The following TSTD2 variants were observed in gnomAD, a reference collection of about 807,000 sequenced individuals.
TSTD2 encodes thiosulfate sulfurtransferase/rhodanese-like domain-containing protein 2.
In TSTD2, 37 loss-of-function variants were observed where a neutral mutation model predicts 47.9. The ratio of observed to expected loss-of-function variants is 0.77; its 90% CI spans 0.59 to 1.02. The LOEUF is 1.02. TSTD2 is among the 50% of genes least tolerant of loss of function. The probability of loss-of-function intolerance (pLI) is 0.00; values close to 1 mark genes in which losing one functional copy is unlikely to be tolerated. For missense variants in TSTD2, 586 were observed against 616.0 expected (o/e 0.95, Z 0.52); for synonymous variants, 201 against 215.9 (o/e 0.93, Z 0.61).
Position 97,611,623 on chromosome 9 carries a change from A to G in TSTD2, c.680T>C (p.Met227Thr). The G allele has an allele frequency of 6.2e-7, 1 of 1,610,888 alleles. No homozygotes were observed. Among genetic ancestry groups the G allele is most frequent in the Non-Finnish European group, 8.5e-7 (1 of 1,177,194 alleles). Residue 227 changes from methionine (M) to threonine (T), a missense_variant, in exon 5 of 10, where the codon ATG (methionine) becomes ACG (threonine). Transcript: ENST00000341170. Reference sequence around the variant, plus strand: ...ATCCTTAAACAATGGGAAGGAAAGCATGACTTCCACATAAAGTCTGGTAGC... The same window carrying G: ...ATCCTTAAACAATGGGAAGGAAAGCGTGACTTCCACATAAAGTCTGGTAGC... ...KLATRLYVEV[M>T]LSFPLFKDDL... is the part of the protein sequence containing the mutation.
chr9:97,611,431 A>C (rs1258057998), intron 5 of TSTD2, 143 bp downstream of exon 5: 1 of 1,001,562 alleles, frequency 1.0e-6, no homozygotes, highest in Non-Finnish European at 1.4e-6. Context: ...CAAAACAAAA[A>C]AACTCCCCAA....
intron 2 of TSTD2, 169 bp downstream of exon 2, chr9:97,627,229 A>C (rs781315145): frequency 1.0e-4 from 131 of 1,297,030 alleles, no homozygotes; most frequent in Non-Finnish European, 1.3e-4. Context: ...CTATTCCAGG[A>C]CCACACCTTG....
Position 97,633,329 on chromosome 9 carries a change from T to C in TSTD2, c.-137A>G, listed in dbSNP as rs942565884. 3 of 344,014 alleles carry C rather than the reference T, an allele frequency of 8.7e-6. No individual in the cohort carries two copies. Among genetic ancestry groups the C allele is most frequent in the South Asian group, 2.7e-4 (2 of 7,524 alleles). The allele number at this position is 344,014 out of a possible 1,614,324, so 21.3% of individuals were successfully genotyped here. On this transcript the variant is annotated 5_prime_UTR_variant, in exon 1 of 10. Transcript: ENST00000341170. ...CACTGCTCACCGCCCTCGAGCCTAT[T>C]CCCCCGCCGCGTATTTGGGTAGAAA...
At chr9:97,629,365 T>G (rs1298161273) in intron 1 of TSTD2, among the ~76,000 whole-genome samples, 4 of 152,200 alleles carry the variant, frequency 2.6e-5, no homozygotes. Context: ...TAAAGGACCT[T>G]TGTTCCTTGG....
chr9:97,612,536 AT>A lies in TSTD2; in HGVS notation c.604-838del, dbSNP rs368304484. 4.9e-4 allele frequency among the ~76,000 whole-genome samples: 75 copies of A among 152,300 alleles called. 2 individuals carry two copies. The highest frequency in any genetic ancestry group is 1.7e-3 in the African/African-American group (69 of 41,568). On this transcript the variant is annotated intron_variant, in intron 4 of 9. Coordinates refer to ENST00000341170, the MANE Select transcript of TSTD2 (RefSeq NM_139246.5). ...ATTTTTTGACTTTTTAATAACAGCC[AT>A]TCTGACAGGTGTGAGATGGATACCT...
At chr9:97,630,936 TTTACACTGTGTG>T (rs1826798252) in intron 1 of TSTD2, among the ~76,000 whole-genome samples, 1 of 152,228 alleles carries the variant, frequency 6.6e-6, no homozygotes, top group Non-Finnish European at 1.5e-5. Flanking sequence ...GTGTGTGAAT[TTTACACTGTGTG>T]TGAAGCCAGC....
chr9:97,602,921 T>C, intron 9 of TSTD2, 154 bp from the exon 10 acceptor site: 1 of 672,666 alleles, frequency 1.5e-6, no homozygotes, highest in Non-Finnish European at 2.4e-6. Context: ...CAACAACAAC[T>C]AACCACCACC....
At chr9:97,624,306 C>T (rs1826684910) in intron 3 of TSTD2, among the ~76,000 whole-genome samples, 2 of 152,068 alleles carry the variant, frequency 1.3e-5, no homozygotes, top group Admixed American at 1.3e-4. Flanking sequence ...GTCATGAGAG[C>T]ACTCAGGCAG....
At chr9:97,626,963 A>C (rs1230711988) in intron 2 of TSTD2, among the ~76,000 whole-genome samples, 1 of 152,102 alleles carries the variant, frequency 6.6e-6, no homozygotes, top group Non-Finnish European at 1.5e-5. Flanking sequence ...GTAATGCTGA[A>C]TACTTTTTCC....
At chr9:97,631,528 G>C (rs532879297) in intron 1 of TSTD2, among the ~76,000 whole-genome samples, 1 of 152,234 alleles carries the variant, frequency 6.6e-6, no homozygotes, top group African/African-American at 2.4e-5. Flanking sequence ...TGCAAAAGCT[G>C]AACTATCTTC....
Position 97,602,519 on chromosome 9 carries a change from T to G in TSTD2, c.1501A>C (p.Ser501Arg). 1 of 1,614,028 alleles carries G rather than the reference T, an allele frequency of 6.2e-7. No individual in the cohort carries two copies. The highest frequency in any genetic ancestry group is 8.5e-7 in the Non-Finnish European group (1 of 1,179,912). The change falls in exon 10 of 10, where the codon AGC becomes CGC. Residue 501 changes from serine to arginine, a missense_variant. By Grantham distance (110) the Ser-to-Arg change is moderately radical (BLOSUM62 -1). Coordinates refer to ENST00000341170, the MANE Select transcript of TSTD2 (RefSeq NM_139246.5). ...ELLQHVRQPV[S>R]PEPGPDADED... ...TCAGCATCAGGCCCTGGCTCTGGGCTCACAGGCTGTCGCACATGCTGCAAG... is the reference window on the plus strand; with the variant it reads ...TCAGCATCAGGCCCTGGCTCTGGGCGCACAGGCTGTCGCACATGCTGCAAG...
At chr9:97,627,688 G>A (rs1826744247) in intron 1 of TSTD2, 76 bp from the exon 2 acceptor site, 12 of 973,544 alleles carry the variant, frequency 1.2e-5, no homozygotes, top group South Asian at 1.8e-5. Context: ...AATCAATCAC[G>A]CAAATCAGCA....
intron 3 of TSTD2, among the ~76,000 whole-genome samples, chr9:97,621,126 T>C (rs1826627589): frequency 6.6e-6 from 1 of 152,236 alleles, no homozygotes; most frequent in African/African-American, 2.4e-5. Flanking sequence ...GAAGATTTCA[T>C]GGACATTTAT....
intron 4 of TSTD2, among the ~76,000 whole-genome samples, chr9:97,616,264 C>T (rs990093310): frequency 6.6e-6 from 1 of 152,092 alleles, no homozygotes; most frequent in South Asian, 2.1e-4. Flanking sequence ...AGAACAGTAT[C>T]AGACGAGAGG....
Position 97,604,684 on chromosome 9 carries a change from T to A in TSTD2, c.1252+43A>T, listed in dbSNP as rs747595267. On this transcript the variant is annotated intron_variant, in intron 9 of 9. Transcript: ENST00000341170. ...TTTTTCTAGAATAGTGAACTGACAA[T>A]GTGCTTCATTTCAGTTTGGGCTCTG... 8 of 1,611,922 alleles carry A rather than the reference T, an allele frequency of 5.0e-6. No homozygotes were observed. In the Admixed American group the frequency reaches 1.2e-4, roughly 24 times the overall value.
At chr9:97,604,952 G>A (rs994564112) in intron 8 of TSTD2, 87 bp from the exon 9 acceptor site, 6 of 1,553,110 alleles carry the variant, frequency 3.9e-6, no homozygotes, top group Admixed American at 3.8e-5. Context: ...GGCGAGGAGT[G>A]CTGACGTAGA....
chr9:97,606,835 CTAAG>C (rs1452392354), intron 6 of TSTD2, among the ~76,000 whole-genome samples: 6 of 151,970 alleles, frequency 3.9e-5, no homozygotes, highest in Non-Finnish European at 8.8e-5. Context: ...AAGAATGTGT[CTAAG>C]TGTGTGTGCA....
chr9:97,614,208 A>G (rs569909947), intron 4 of TSTD2, among the ~76,000 whole-genome samples: 1 of 152,244 alleles, frequency 6.6e-6, no homozygotes, highest in South Asian at 2.1e-4. Context: ...GAAGTGGTAT[A>G]TAATTTTAAA....
At position 97,605,502 on chromosome 9, in the gene TSTD2, G is replaced by A; in HGVS notation, c.1094C>T (p.Ser365Leu). Reference protein sequence around the residue: ...CTGGIRCERGSAYLKAKGVCK... With the variant: ...CTGGIRCERGLAYLKAKGVCK... ...GCTCACCTTGGCTTTGAGGTAGGCT[G>A]AACCCCGCTCACAGCGGATGCCCCC... Residue 365 changes from serine (S) to leucine (L), a missense_variant, in exon 8 of 10, where the codon TCA becomes TTA. By Grantham distance (145) the Ser-to-Leu change is moderately radical. Transcript: ENST00000341170. 6.2e-7 allele frequency: 1 copy of A among 1,613,814 alleles called. No individual in the cohort carries two copies. Among genetic ancestry groups the A allele is most frequent in the Non-Finnish European group, 8.5e-7 (1 of 1,179,904 alleles).
Sources: allele counts gnomAD v4.1 joint callset (sites outside exome capture counted in the v4.1 genomes callset), GRCh38; gene constraint gnomAD v4.1.1; transcripts MANE v1.5; gene names NCBI Gene and HGNC (gene_info 2026-07-23, HGNC 2026-07-21).